Variants in E2F2 observed in about 807,000 individuals in gnomAD.
E2F2 encodes E2F transcription factor 2, also known as transcription factor E2F2.
E2F2 carries 22 observed loss-of-function variants against 42.2 expected under a neutral mutation model. That is an observed-to-expected ratio of 0.52 (90% CI 0.37 to 0.74). E2F2 has a LOEUF of 0.74. Ranked by LOEUF, E2F2 falls within the 30% of genes least tolerant of loss-of-function variation. E2F2 has a pLI of 0.00. For synonymous variants in E2F2, 248 were observed against 251.6 expected (o/e 0.99, Z 0.13); for missense variants, 481 against 557.8 (o/e 0.86, Z 1.39).
Position 23,516,329 on chromosome 1 carries a change from A to G in E2F2, c.1045+6T>C, listed in dbSNP as rs1448680827. The G allele has an allele frequency of 6.6e-7, 1 of 1,523,446 alleles. No homozygotes were observed. The highest frequency in any genetic ancestry group is 2.3e-5 in the Admixed American group (1 of 42,846). 94.4% of individuals were successfully genotyped at this position (1,523,446 alleles called of 1,614,324 possible). Reference sequence around the variant, plus strand: ...CACCTCCTGTCCCTCTGGACAAGGGACCTACCTGAGGATGCTGTGGGCTCC... The same window carrying G: ...CACCTCCTGTCCCTCTGGACAAGGGGCCTACCTGAGGATGCTGTGGGCTCC... On this transcript the variant is annotated splice_donor_region_variant and intron_variant, in intron 6 of 6. Coordinates refer to ENST00000361729, the MANE Select transcript of E2F2 (RefSeq NM_004091.4).
downstream of E2F2, among the ~76,000 whole-genome samples, chr1:23,505,839 A>G (rs1217389471): frequency 1.3e-5 from 2 of 151,626 alleles, no homozygotes; most frequent in African/African-American, 4.8e-5. Flanking sequence ...CTCACTATGT[A>G]GCCCAGGCTG....
chr1:23,524,818 C>A (rs3218151), intron 1 of E2F2, among the ~76,000 whole-genome samples: 12 of 152,246 alleles, frequency 7.9e-5, no homozygotes, highest in Non-Finnish European at 4.4e-5. Context: ...CTGCTCCTCA[C>A]CCCACCACAC....
chr1:23,523,181 TCTCA>T (rs1273190469), intron 2 of E2F2, among the ~76,000 whole-genome samples: 2 of 146,152 alleles, frequency 1.4e-5, no homozygotes, highest in Non-Finnish European at 3.0e-5. Context: ...GGAGATGGAG[TCTCA>T]CTCTCTCTCC....
At chr1:23,505,514 G>A (rs1642780610), downstream of E2F2, among the ~76,000 whole-genome samples, 1 of 150,478 alleles carries the variant, frequency 6.6e-6, no homozygotes. Context: ...TCTGAGGCAA[G>A]GTCTCTTTTT....
At chr1:23,524,277 T>C (rs1431207565) in intron 2 of E2F2, 106 bp downstream of exon 2, 4 of 907,376 alleles carry the variant, frequency 4.4e-6, no homozygotes, top group Non-Finnish European at 6.4e-6. Context: ...GCAGGAAGCT[T>C]TTGTAAACTG....
At position 23,516,559 on chromosome 1, in the gene E2F2, C is replaced by T. The variant is rs779350792; in HGVS notation, c.853-32G>A. ...GAGGAAGAGAAGCCAGGTCATTGCT[C>T]TGGGCAGCTGGACACTTACACTTAG... On this transcript the variant is annotated intron_variant, in intron 5 of 6. Transcript: ENST00000361729. The T allele has an allele frequency of 6.4e-6, 10 of 1,554,746 alleles. No individual in the cohort carries two copies. The Admixed American group carries it at 1.3e-4, about 20-fold the overall frequency.
chr1:23,516,586 G>A, intron 5 of E2F2, 59 bp from the exon 6 acceptor site: 1 of 1,410,446 alleles, frequency 7.1e-7, no homozygotes, highest in Non-Finnish European at 9.6e-7. Context: ...TACACTTAGT[G>A]TGTATGGACA....
chr1:23,509,713 C>T lies in E2F2; in HGVS notation c.*167G>A. ...TTATCCACTCCTCACCCGTACCATT[C>T]ATATCTCCCCACACAGCTTCTGCCG... On this transcript the variant is annotated 3_prime_UTR_variant, in exon 7 of 7. Transcript: ENST00000361729. 7.5e-7 allele frequency: 1 copy of T among 1,331,170 alleles called. No individual in the cohort carries two copies. The highest frequency in any genetic ancestry group is 2.9e-5 in the East Asian group (1 of 34,852). The allele number at this position is 1,331,170 out of a possible 1,614,324, so 82.5% of individuals were successfully genotyped here.
At chr1:23,514,246 C>G (rs1642971163) in intron 6 of E2F2, among the ~76,000 whole-genome samples, 1 of 152,158 alleles carries the variant, frequency 6.6e-6, no homozygotes, top group African/African-American at 2.4e-5. Context: ...CGCATGCTGA[C>G]ACTTGAGTGA....
chr1:23,520,325 AAC>A (rs1199839494), intron 4 of E2F2, among the ~76,000 whole-genome samples: 5 of 152,002 alleles, frequency 3.3e-5, no homozygotes, highest in African/African-American at 9.6e-5. Flanking sequence ...ATTGAAATAA[AAC>A]ACATTCTGTG....
At chr1:23,529,220 C>G (rs1184569174) in intron 1 of E2F2, among the ~76,000 whole-genome samples, 1 of 152,164 alleles carries the variant, frequency 6.6e-6, no homozygotes, top group Non-Finnish European at 1.5e-5. Context: ...ATGTTTTAGG[C>G]TATAAAACAC....
intron 6 of E2F2, among the ~76,000 whole-genome samples, chr1:23,514,523 G>T (rs1326310974): frequency 6.6e-6 from 1 of 152,092 alleles, no homozygotes; most frequent in Non-Finnish European, 1.5e-5. Context: ...TTAAAAGAAG[G>T]GTTGAGTTAG....
intron 1 of E2F2, among the ~76,000 whole-genome samples, chr1:23,529,262 C>T (rs1327087203): frequency 2.0e-5 from 3 of 152,196 alleles, no homozygotes; most frequent in African/African-American, 7.2e-5. Context: ...CAGTTATCCT[C>T]GGTTGCTTAA....
intron 4 of E2F2, among the ~76,000 whole-genome samples, chr1:23,519,986 G>A (rs1643104401): frequency 6.6e-6 from 1 of 151,574 alleles, no homozygotes; most frequent in Non-Finnish European, 1.5e-5. Flanking sequence ...GCTGAGGCAG[G>A]AGAATCGCTT....
Position 23,530,944 on chromosome 1 carries a change from C to T in E2F2, c.-151G>A. 2.1e-6 allele frequency: 2 copies of T among 968,300 alleles called. No individual in the cohort carries two copies. Among genetic ancestry groups the T allele is most frequent in the Non-Finnish European group, 2.8e-6 (2 of 703,704 alleles). 60.0% of individuals were successfully genotyped at this position (968,300 alleles called of 1,614,324 possible). On this transcript the variant is annotated 5_prime_UTR_variant, in exon 1 of 7. Coordinates refer to ENST00000361729, the MANE Select transcript of E2F2 (RefSeq NM_004091.4). This position sits in a 1 kb window ranked among gnomAD's most constrained non-coding sequence, Gnocchi z 4.4. ...GCCTGCGGGGCAAGGCCGGACCCTC[C>T]CCTCCTGGCCCGCGGCCGAGCAGAG...
chr1:23,524,270 G>A (rs1167350110), intron 2 of E2F2, 113 bp downstream of exon 2: 10 of 824,734 alleles, frequency 1.2e-5, no homozygotes, highest in African/African-American at 1.8e-5. Flanking sequence ...AAAATACGCA[G>A]GAAGCTTTTG....
rs767172422 is a variant in E2F2, at chr1:23,516,512, A to G, written c.868T>C (p.Tyr290His). Residue 290 changes from tyrosine (Y) to histidine (H), a missense_variant, in exon 6 of 7, where the codon TAT (tyrosine) becomes CAT (histidine). Tyr to His is a moderately conservative substitution (Grantham distance 83, BLOSUM62 2). Coordinates refer to ENST00000361729, the MANE Select transcript of E2F2 (RefSeq NM_004091.4). ...PDRTEDNLQI[Y>H]LKSTQGPIEV... ...ATGGGCCCTTGGGTGCTCTTGAGAT[A>G]TATCTGCAGGTTGTCCTGGAGGAGG... 3.1e-6 allele frequency: 5 copies of G among 1,606,098 alleles called. No individual in the cohort carries two copies. The African/African-American group carries it at 5.4e-5, about 17-fold the overall frequency.
At position 23,530,914 on chromosome 1, in the gene E2F2, T is replaced by TGGA; in HGVS notation, c.-124_-122dup. ...CGCGGAGGCCGGGGGAAGCCGCCAA[T>TGGA]GGACGCCTGCGGGGCAAGGCCGGAC... On this transcript the variant is annotated 5_prime_UTR_variant, in exon 1 of 7. Transcript: ENST00000361729. The surrounding 1 kb of genome is among the most constrained non-coding windows in gnomAD (Gnocchi z 4.4). The TGGA allele has an allele frequency of 7.7e-7, 1 of 1,293,996 alleles. No individual in the cohort carries two copies. Among genetic ancestry groups the TGGA allele is most frequent in the Non-Finnish European group, 1.0e-6 (1 of 986,190 alleles). 80.2% of individuals were successfully genotyped at this position (1,293,996 alleles called of 1,614,324 possible). A position where few individuals can be genotyped will look rare whatever the true frequency, so the allele number is the denominator to read the frequency against.
intron 1 of E2F2, among the ~76,000 whole-genome samples, chr1:23,528,356 G>A (rs542720763): frequency 2.6e-5 from 4 of 152,322 alleles, no homozygotes; most frequent in East Asian, 1.9e-4. Context: ...CAAAGCAAGC[G>A]GCCACACCCA....
Sources: gnomAD v4.1 joint callset for allele counts (sites outside exome capture counted in the v4.1 genomes callset) on GRCh38, gnomAD v4.1.1 for gene constraint, Gnocchi (gnomAD v3.1) non-coding constraint, MANE v1.5 for transcripts, NCBI Gene and HGNC (gene_info 2026-07-23, HGNC 2026-07-21) for gene names.